C2CD5: variants seen among roughly 807,000 people sequenced by gnomAD.
The protein encoded by C2CD5 is C2 domain-containing protein 5.
A neutral mutation model predicts 130.3 loss-of-function variants in C2CD5; 109 were observed. The observed-to-expected ratio is 0.84, with a 90% confidence interval of 0.72 to 0.98. The LOEUF (loss-of-function observed/expected upper bound fraction) is 0.98, where lower values mean the gene tolerates loss of function less well. Ranked by LOEUF, C2CD5 falls within the 50% of genes least tolerant of loss-of-function variation. The pLI, the probability that C2CD5 is intolerant of heterozygous loss-of-function variation, is 0.00. For missense variants in C2CD5, 996 were observed against 1,261.8 expected, an observed-to-expected ratio of 0.79 and a Z score of 3.19; for synonymous variants, 454 against 429.2, an observed-to-expected ratio of 1.06 and a Z score of -0.71.
intron 14 of C2CD5, 89 bp downstream of exon 14, chr12:22,482,468 G>A (rs1179643042): frequency 4.5e-6 from 5 of 1,103,986 alleles, no homozygotes; most frequent in Non-Finnish European, 6.6e-6. Context: ...CTTTAGATAA[G>A]CCTTTGAAAA....
Position 22,449,723 on chromosome 12 carries a change from A to G in C2CD5, c.*37T>C, listed in dbSNP as rs1938100807. The G allele has an allele frequency of 6.6e-7, 1 of 1,517,050 alleles. No individual in the cohort carries two copies. The allele number at this position is 1,517,050 out of a possible 1,614,324, so 94.0% of individuals were successfully genotyped here. The stretch of plus-strand genomic sequence containing the variant: ...AATGACAAAATAACAGAGATTGATG[A>G]ATTTCATTTAGTTGAGCTCTTTTTT... On this transcript the variant is annotated 3_prime_UTR_variant, in exon 27 of 27. Transcript: ENST00000446597.
rs112125018 is a variant in C2CD5 at position 22,474,732 on chromosome 12, T to C, written c.2043+19A>G. The C allele has an allele frequency of 4.3e-5, 67 of 1,558,746 alleles. No individual in the cohort carries two copies. The African/African-American group carries it at 8.3e-4, about 19-fold the overall frequency. Reference sequence around the variant, plus strand: ...TTAGCTTCCAAAACCTTTAAGAAATTAGTCCAATGCCACATTACCTCCAAA... The same window carrying C: ...TTAGCTTCCAAAACCTTTAAGAAATCAGTCCAATGCCACATTACCTCCAAA... On this transcript the variant is annotated intron_variant, in intron 16 of 26. Coordinates refer to ENST00000446597, the MANE Select transcript of C2CD5 (RefSeq NM_001286176.2).
intron 13 of C2CD5, among the ~76,000 whole-genome samples, chr12:22,483,117 T>C (rs1308137254): frequency 6.6e-6 from 1 of 152,120 alleles, no homozygotes; most frequent in Non-Finnish European, 1.5e-5. Context: ...TTATTATGTA[T>C]TACATGCCTG....
chr12:22,506,759 C>T lies in C2CD5; in HGVS notation c.1099G>A (p.Val367Ile), dbSNP rs1363031431. 6 of 1,612,534 alleles carry T rather than the reference C, an allele frequency of 3.7e-6. No homozygotes were observed. Among genetic ancestry groups the T allele is most frequent in the African/African-American group, 1.3e-5 (1 of 74,890 alleles). The change falls in exon 10 of 27, where the codon GTA (valine) becomes ATA (isoleucine). Residue 367 changes from valine to isoleucine, a missense_variant. This residue lies in a region of C2CD5 where 156 missense variants were observed against 165.9 expected (regional missense o/e 0.94). Coordinates refer to ENST00000446597, the MANE Select transcript of C2CD5 (RefSeq NM_001286176.2). ...AGCTTCACAGAACGTGCACTAACTA[C>T]ACCCCCAACGTGTACAAGGAATCCA... ...PPGFLVHVGG[V>I]VSARSVKLLD... is the part of the protein sequence containing the mutation.
chr12:22,484,647 C>T (rs759355626), intron 13 of C2CD5, 50 bp downstream of exon 13: 10 of 1,042,148 alleles, frequency 9.6e-6, no homozygotes, highest in Non-Finnish European at 6.8e-6. Flanking sequence ...TTTACGGCTC[C>T]CTATCTCATA....
At chr12:22,497,255 A>C (rs189753134) in intron 10 of C2CD5, among the ~76,000 whole-genome samples, 1 of 152,220 alleles carries the variant, frequency 6.6e-6, no homozygotes, top group East Asian at 1.9e-4. Flanking sequence ...AGTTACCAAC[A>C]CTGTACTGTA....
At chr12:22,492,807 A>G (rs375850290) in intron 11 of C2CD5, among the ~76,000 whole-genome samples, 17 of 152,314 alleles carry the variant, frequency 1.1e-4, no homozygotes, top group African/African-American at 3.6e-4. Flanking sequence ...AGGCAGAATG[A>G]GTTTATGGAC....
chr12:22,530,288 A>C (rs1446491348), intron 3 of C2CD5, among the ~76,000 whole-genome samples: 1 of 149,252 alleles, frequency 6.7e-6, no homozygotes, highest in African/African-American at 2.5e-5. Flanking sequence ...CTGTGTGTGT[A>C]TATATATTTA....
At chr12:22,518,984 T>G in intron 7 of C2CD5, 1 of 718,548 alleles carries the variant, frequency 1.4e-6, no homozygotes. Context: ...TCACTGCAGC[T>G]GGACTTCGAG....
chr12:22,456,727 ATT>A (rs749589718), intron 25 of C2CD5, among the ~76,000 whole-genome samples: 3 of 152,196 alleles, frequency 2.0e-5, no homozygotes, highest in Non-Finnish European at 4.4e-5. Flanking sequence ...GAACACAGAT[ATT>A]TGTTTTATTT....
At position 22,478,243 on chromosome 12, in the gene C2CD5, A is replaced by G. The variant is rs1289872911; in HGVS notation, c.1902+70T>C. 8 of 1,326,494 alleles carry G rather than the reference A, an allele frequency of 6.0e-6. No homozygotes were observed. In the East Asian group the frequency reaches 1.4e-4, roughly 23 times the overall value. The allele number at this position is 1,326,494 out of a possible 1,614,324, so 82.2% of individuals were successfully genotyped here. On this transcript the variant is annotated intron_variant, in intron 15 of 26. Coordinates refer to ENST00000446597, the MANE Select transcript of C2CD5 (RefSeq NM_001286176.2). ...GTGAAAAAAAAATCTTGTGTCCTCA[A>G]TAAGATAACCTAAAAATATACTAAT... is the stretch of plus-strand genomic sequence containing the variant.
At chr12:22,459,607 T>C in intron 22 of C2CD5, 65 bp from the exon 23 acceptor site, 1 of 936,914 alleles carries the variant, frequency 1.1e-6, no homozygotes, top group Non-Finnish European at 1.6e-6. Context: ...TCTTCTTTGT[T>C]ATTTGTTAAT....
chr12:22,502,617 A>T (rs1276267948), intron 10 of C2CD5: 2 of 533,080 alleles, frequency 3.8e-6, no homozygotes, highest in Admixed American at 7.1e-5. Context: ...TACGTAGCAC[A>T]GAATATTATC....
At chr12:22,522,732 A>G (rs997532585) in intron 7 of C2CD5, among the ~76,000 whole-genome samples, 2 of 151,980 alleles carry the variant, frequency 1.3e-5, no homozygotes, top group Admixed American at 6.6e-5. Context: ...GCACAAATCA[A>G]TTTTTCCTGC....
chr12:22,458,437 G>T, intron 24 of C2CD5, 47 bp downstream of exon 24: 1 of 866,886 alleles, frequency 1.2e-6, no homozygotes, highest in Non-Finnish European at 1.5e-6. Flanking sequence ...GGGAAATCAG[G>T]GATATGTTTC....
intron 2 of C2CD5, among the ~76,000 whole-genome samples, chr12:22,542,839 GA>G (rs1249046063): frequency 1.1e-4 from 17 of 152,154 alleles, no homozygotes; most frequent in African/African-American, 3.9e-4. Flanking sequence ...GGACTGTTGT[GA>G]AAACTAAGAA....
At chr12:22,491,775 G>A (rs1400050634) in intron 11 of C2CD5, among the ~76,000 whole-genome samples, 1 of 152,010 alleles carries the variant, frequency 6.6e-6, no homozygotes, top group Non-Finnish European at 1.5e-5. Flanking sequence ...AGGAGGCTAA[G>A]GTGGGAGAAT....
chr12:22,498,267 T>C lies in C2CD5; in HGVS notation c.1148-4930A>G, dbSNP rs181048829. Among the ~76,000 whole-genome samples the C allele has an allele frequency of 2.0e-5, 3 of 152,240 alleles. No homozygotes were observed. In the East Asian group the frequency reaches 5.8e-4, roughly 29 times the overall value. On this transcript the variant is annotated intron_variant, in intron 10 of 26. Coordinates refer to ENST00000446597, the MANE Select transcript of C2CD5 (RefSeq NM_001286176.2). The stretch of plus-strand genomic sequence containing the variant: ...AGTGTAAGAATTACCCTAGACTGGG[T>C]GTGTACAGGACGTCTGCCTGGCTTA...
chr12:22,469,181 A>C (rs1288467622), intron 22 of C2CD5, among the ~76,000 whole-genome samples: 1 of 152,176 alleles, frequency 6.6e-6, no homozygotes, highest in Non-Finnish European at 1.5e-5. Context: ...CTGGAAAAAA[A>C]ACATGGCAGT....
Sources: gnomAD v4.1 joint callset for allele counts (sites outside exome capture counted in the v4.1 genomes callset) on GRCh38, gnomAD v4.1.1 for gene constraint, gnomAD v4.1.1 regional missense constraint, MANE v1.5 for transcripts, NCBI Gene and HGNC (gene_info 2026-07-23, HGNC 2026-07-21) for gene names.